The following ARID4B variants were observed in gnomAD, a reference collection of about 807,000 sequenced individuals.
The protein encoded by ARID4B is AT-rich interaction domain 4B, also known as AT-rich interactive domain-containing protein 4B.
ARID4B carries 26 observed loss-of-function variants against 147.5 expected under a neutral mutation model. The observed-to-expected ratio is 0.18, with a 90% CI of 0.13 to 0.24. The LOEUF (loss-of-function observed/expected upper bound fraction) is 0.24, where lower values mean the gene tolerates loss of function less well. Ranked by LOEUF, ARID4B falls within the 10% of genes least tolerant of loss-of-function variation. ARID4B has a pLI of 1.00. For missense variants in ARID4B, 1,179 were observed against 1,511.5 expected (o/e 0.78, Z 3.65); for synonymous variants, 512 against 507.9 (o/e 1.01, Z -0.11).
chr1:235,261,545 T>G (rs529057969), intron 2 of ARID4B, among the ~76,000 whole-genome samples: 1 of 152,094 alleles, frequency 6.6e-6, no homozygotes, highest in East Asian at 1.9e-4. Flanking sequence ...CAAAAAAGAA[T>G]GTAGTATAGC....
At chr1:235,267,597 C>A (rs1414049072) in intron 2 of ARID4B, among the ~76,000 whole-genome samples, 1 of 152,178 alleles carries the variant, frequency 6.6e-6, no homozygotes, top group Non-Finnish European at 1.5e-5. Flanking sequence ...CTCTGGGAGG[C>A]CGAGGCGGGT....
chr1:235,233,941 C>T (rs757685900), intron 9 of ARID4B, among the ~76,000 whole-genome samples: 8 of 151,916 alleles, frequency 5.3e-5, no homozygotes, highest in Admixed American at 6.6e-5. Context: ...TAGCTGGGTG[C>T]GGTGGCATGC....
intron 2 of ARID4B, among the ~76,000 whole-genome samples, chr1:235,310,624 A>C (rs1673980793): frequency 6.6e-6 from 1 of 152,236 alleles, no homozygotes; most frequent in South Asian, 2.1e-4. Context: ...CTTTGAGCAT[A>C]TGCTGGGGAC....
intron 2 of ARID4B, among the ~76,000 whole-genome samples, chr1:235,315,103 G>A (rs72758069): frequency 0.13 from 19,976 of 152,078 alleles, 1,524 homozygotes; most frequent in African/African-American, 0.2. Context: ...TGGCTTAAAT[G>A]AGAAAAGTCT....
intron 2 of ARID4B, among the ~76,000 whole-genome samples, chr1:235,272,806 A>G (rs1224807708): frequency 2.8e-5 from 4 of 143,892 alleles, no homozygotes; most frequent in Non-Finnish European, 4.6e-5. Context: ...CAATATAAAT[A>G]AATGTCTATA....
chr1:235,294,925 A>C (rs1672588454), intron 2 of ARID4B, among the ~76,000 whole-genome samples: 1 of 151,694 alleles, frequency 6.6e-6, no homozygotes, highest in African/African-American at 2.4e-5. Context: ...AACTGAAGTA[A>C]ATGTTCTATT....
At chr1:235,257,118 T>C (rs776986176) in intron 4 of ARID4B, 42 bp downstream of exon 4, 1 of 1,364,250 alleles carries the variant, frequency 7.3e-7, no homozygotes, top group South Asian at 1.2e-5. Flanking sequence ...GATTATTTTT[T>C]CCCAAACAAC....
chr1:235,224,655 T>C (rs1375116759), intron 12 of ARID4B, 48 bp downstream of exon 12: 7 of 1,243,714 alleles, frequency 5.6e-6, no homozygotes, highest in Non-Finnish European at 8.1e-6. Flanking sequence ...AAGATACTAA[T>C]TATCTGTCCA....
At chr1:235,191,252 A>AT (rs1229985498) in intron 19 of ARID4B, among the ~76,000 whole-genome samples, 1 of 46,122 alleles carries the variant, frequency 2.2e-5, no homozygotes, top group African/African-American at 7.6e-5. Context: ...TATTCTTTTT[A>AT]TTTTATTTTT....
chr1:235,252,888 G>C, intron 5 of ARID4B, 79 bp from the exon 6 acceptor site: 1 of 1,151,430 alleles, frequency 8.7e-7, no homozygotes, highest in East Asian at 2.4e-5. Context: ...ACAATTTTCT[G>C]AGTGCAAACA....
At chr1:235,179,979 G>T (rs1388993047) in intron 20 of ARID4B, among the ~76,000 whole-genome samples, 1 of 150,494 alleles carries the variant, frequency 6.6e-6, no homozygotes, top group East Asian at 2.0e-4. Context: ...CTGAGGCAGG[G>T]GAATCACTTG....
chr1:235,232,345 G>A (rs1232929439), intron 9 of ARID4B, among the ~76,000 whole-genome samples: 1 of 151,946 alleles, frequency 6.6e-6, no homozygotes, highest in Non-Finnish European at 1.5e-5. Context: ...GCTTGAACCT[G>A]GGAGGCGGAG....
chr1:235,256,208 G>A (rs1290105755), intron 4 of ARID4B, among the ~76,000 whole-genome samples: 3 of 146,098 alleles, frequency 2.1e-5, no homozygotes, highest in African/African-American at 5.0e-5. Context: ...CAGTTTTACC[G>A]ATCAATATTT....
At chr1:235,177,119 G>C (rs550965879) in intron 21 of ARID4B, among the ~76,000 whole-genome samples, 19 of 152,326 alleles carry the variant, frequency 1.2e-4, no homozygotes, top group South Asian at 8.3e-4. Flanking sequence ...TTGTAGACTG[G>C]AGTTGTTGGA....
At chr1:235,216,332 CAT>C (rs1553293490) in intron 16 of ARID4B, among the ~76,000 whole-genome samples, 11 of 151,150 alleles carry the variant, frequency 7.3e-5, no homozygotes, top group African/African-American at 2.4e-4. Flanking sequence ...CACACACACA[CAT>C]ATATACGTGT....
intron 13 of ARID4B, among the ~76,000 whole-genome samples, chr1:235,222,828 G>A (rs577777975): frequency 1.7e-4 from 26 of 151,912 alleles, no homozygotes; most frequent in African/African-American, 3.6e-4. Context: ...GATTACAAGC[G>A]TGCGTCACCA....
intron 19 of ARID4B, among the ~76,000 whole-genome samples, chr1:235,189,306 A>G (rs993466033): frequency 6.7e-6 from 1 of 149,350 alleles, no homozygotes; most frequent in Non-Finnish European, 1.5e-5. Flanking sequence ...AGGCTGAGGC[A>G]GGAGAATCGC....
At chr1:235,186,245 G>A (rs900924972) in intron 19 of ARID4B, among the ~76,000 whole-genome samples, 1 of 152,038 alleles carries the variant, frequency 6.6e-6, no homozygotes, top group Admixed American at 6.5e-5. Flanking sequence ...GGGATTATAG[G>A]CGTGAGCCAC....
At chr1:235,263,278 C>T (rs1670400612) in intron 2 of ARID4B, among the ~76,000 whole-genome samples, 1 of 152,082 alleles carries the variant, frequency 6.6e-6, no homozygotes, top group African/African-American at 2.4e-5. Context: ...TACTGAGGAA[C>T]ATATAAAAAT....
Sources: gnomAD v4.1 joint callset for allele counts (sites outside exome capture counted in the v4.1 genomes callset) on GRCh38, gnomAD v4.1.1 for gene constraint, MANE v1.5 for transcripts, NCBI Gene and HGNC (gene_info 2026-07-23, HGNC 2026-07-21) for gene names.